The following TMEFF1 variants were observed in gnomAD, a reference collection of about 807,000 sequenced individuals.
The protein encoded by TMEFF1 is transmembrane protein with EGF like and two follistatin like domains 1.
In TMEFF1, 20 loss-of-function variants were observed where a neutral mutation model predicts 47.5. The observed-to-expected ratio is 0.42, with a 90% CI of 0.30 to 0.61. The LOEUF is 0.61. Ranked by LOEUF, TMEFF1 falls within the 20% of genes least tolerant of loss-of-function variation. The pLI is 0.19. For missense variants in TMEFF1, 411 were observed against 471.1 expected (o/e 0.87, Z 1.18); for synonymous variants, 162 against 166.3 (o/e 0.97, Z 0.20).
chr9:100,534,827 T>C (rs574875913), intron 5 of TMEFF1, among the ~76,000 whole-genome samples: 4 of 152,292 alleles, frequency 2.6e-5, no homozygotes, highest in African/African-American at 9.6e-5. Context: ...TTGTTTCTTA[T>C]TGGACTGGTA....
chr9:100,515,431 G>A (rs1471323471), intron 4 of TMEFF1, among the ~76,000 whole-genome samples: 1 of 152,032 alleles, frequency 6.6e-6, no homozygotes, highest in Non-Finnish European at 1.5e-5. Flanking sequence ...TTAGAAGTTC[G>A]GAAGCATTAC....
At chr9:100,526,368 C>T (rs995911888) in intron 5 of TMEFF1, among the ~76,000 whole-genome samples, 2 of 152,040 alleles carry the variant, frequency 1.3e-5, no homozygotes, top group Non-Finnish European at 2.9e-5. Context: ...TTCCCTTCCT[C>T]TTTTTTCTAT....
chr9:100,530,730 T>A (rs1412465166), intron 5 of TMEFF1, among the ~76,000 whole-genome samples: 4 of 152,294 alleles, frequency 2.6e-5, no homozygotes, highest in East Asian at 1.9e-4. Flanking sequence ...TTCCTAACTC[T>A]TTTTATGAGG....
At position 100,486,395 on chromosome 9, in the gene TMEFF1, A is replaced by G. The variant is rs148053206; in HGVS notation, c.197-12370A>G. 1.1e-3 allele frequency among the ~76,000 whole-genome samples: 173 copies of G among 152,200 alleles called. 1 individual carries two copies. Among genetic ancestry groups the G allele is most frequent in the African/African-American group, 4.1e-3 (170 of 41,526 alleles). ...GTAGCTGGGATTACCGGCGCGTGCC[A>G]CCATGCCCAGCTAATTTTGTATTTT... On this transcript the variant is annotated intron_variant, in intron 1 of 9. Coordinates refer to ENST00000374879, the MANE Select transcript of TMEFF1 (RefSeq NM_003692.5).
At chr9:100,522,427 C>CTTCTTTTT (rs1838178661) in intron 5 of TMEFF1, among the ~76,000 whole-genome samples, 1 of 95,384 alleles carries the variant, frequency 1.0e-5, no homozygotes, top group African/African-American at 3.5e-5. Context: ...CCAGAAATAT[C>CTTCTTTTT]TTCTTTTTTT....
At chr9:100,550,786 G>A (rs1293837524) in intron 7 of TMEFF1, among the ~76,000 whole-genome samples, 2 of 152,142 alleles carry the variant, frequency 1.3e-5, no homozygotes, top group African/African-American at 2.4e-5. Flanking sequence ...AACCCTAGCC[G>A]AATATCTGGT....
At chr9:100,502,960 A>G (rs919806173) in intron 2 of TMEFF1, among the ~76,000 whole-genome samples, 1 of 152,200 alleles carries the variant, frequency 6.6e-6, no homozygotes, top group African/African-American at 2.4e-5. Context: ...CTCAGGGCTT[A>G]CAGTATAGTT....
At chr9:100,555,655 T>C (rs1010735921) in intron 7 of TMEFF1, among the ~76,000 whole-genome samples, 1 of 152,206 alleles carries the variant, frequency 6.6e-6, no homozygotes, top group African/African-American at 2.4e-5. Context: ...GAGTTCATTA[T>C]CAGTGTTATT....
At chr9:100,573,317 A>G (rs1227436861) in intron 9 of TMEFF1, among the ~76,000 whole-genome samples, 2 of 152,116 alleles carry the variant, frequency 1.3e-5, no homozygotes, top group African/African-American at 4.8e-5. Flanking sequence ...ACATTACTTC[A>G]TTTTCAGGAT....
intron 5 of TMEFF1, 101 bp downstream of exon 5, chr9:100,516,872 G>T: frequency 7.1e-7 from 1 of 1,403,354 alleles, no homozygotes; most frequent in South Asian, 1.7e-5. Flanking sequence ...TATCTTTTGT[G>T]TGTTTTCAAA....
chr9:100,525,525 C>T (rs1170771995), intron 5 of TMEFF1, among the ~76,000 whole-genome samples: 2 of 143,578 alleles, frequency 1.4e-5, no homozygotes, highest in East Asian at 4.2e-4. Context: ...GAGTCAAGTG[C>T]ACCACCGAGA....
intron 7 of TMEFF1, among the ~76,000 whole-genome samples, chr9:100,553,435 C>A (rs1196032563): frequency 2.0e-5 from 3 of 152,146 alleles, no homozygotes; most frequent in Admixed American, 1.3e-4. Context: ...AAATGAAAAG[C>A]AGGAACACAG....
rs117851774 is a variant in TMEFF1, at chr9:100,565,611, C to G, written c.899+4091C>G. On this transcript the variant is annotated intron_variant, in intron 8 of 9. Coordinates refer to ENST00000374879, the MANE Select transcript of TMEFF1 (RefSeq NM_003692.5). ...ATGATTTCTTTGTACCTTCTCCTCT[C>G]TCCTCAGATTAGCAGTACCTCCTCT... Among the ~76,000 whole-genome samples the G allele has an allele frequency of 5.4e-3, 815 of 152,254 alleles. 3 individuals carry two copies. Among genetic ancestry groups the G allele is most frequent in the Non-Finnish European group, 0.01 (687 of 68,008 alleles).
intron 7 of TMEFF1, among the ~76,000 whole-genome samples, chr9:100,553,925 A>G (rs1309482016): frequency 6.6e-6 from 1 of 152,212 alleles, no homozygotes; most frequent in African/African-American, 2.4e-5. Flanking sequence ...ACATCTTATA[A>G]TTGATACCAT....
chr9:100,533,117 T>A (rs966889474), intron 5 of TMEFF1, among the ~76,000 whole-genome samples: 1 of 146,942 alleles, frequency 6.8e-6, no homozygotes, highest in East Asian at 2.1e-4. Flanking sequence ...AGGGATAGCA[T>A]TGGGAGATAT....
At chr9:100,507,615 AT>A (rs1396331597) in intron 2 of TMEFF1, among the ~76,000 whole-genome samples, 2 of 151,706 alleles carry the variant, frequency 1.3e-5, no homozygotes, top group Admixed American at 6.6e-5. Context: ...GATGTTGAGC[AT>A]TTTTTCATGT....
intron 5 of TMEFF1, among the ~76,000 whole-genome samples, chr9:100,539,520 G>A (rs969607481): frequency 1.3e-5 from 2 of 152,144 alleles, no homozygotes; most frequent in African/African-American, 2.4e-5. Context: ...AGACCTTTGC[G>A]ATGAGTGTTA....
chr9:100,490,932 T>A (rs1293051322), intron 1 of TMEFF1, among the ~76,000 whole-genome samples: 1 of 151,668 alleles, frequency 6.6e-6, no homozygotes, highest in Non-Finnish European at 1.5e-5. Flanking sequence ...TCCCGGCTGA[T>A]CTTCAACTCC....
At chr9:100,566,465 A>G (rs992732165) in intron 8 of TMEFF1, among the ~76,000 whole-genome samples, 1 of 152,148 alleles carries the variant, frequency 6.6e-6, no homozygotes, top group Non-Finnish European at 1.5e-5. Context: ...TTCCAACTCC[A>G]TCTTTTCAGT....
Sources: allele counts gnomAD v4.1 joint callset (sites outside exome capture counted in the v4.1 genomes callset), GRCh38; gene constraint gnomAD v4.1.1; transcripts MANE v1.5; gene names NCBI Gene and HGNC (gene_info 2026-07-23, HGNC 2026-07-21).